The following CTBS variants were observed in gnomAD, a reference collection of about 807,000 sequenced individuals.
CTBS encodes chitobiase.
CTBS carries 35 observed loss-of-function variants against 44.3 expected under a neutral mutation model. That is an observed-to-expected ratio of 0.79 (90% confidence interval 0.60 to 1.05). The LOEUF (loss-of-function observed/expected upper bound fraction) is 1.05. CTBS is among the 50% of genes least tolerant of loss of function. The pLI is 0.00. For synonymous variants in CTBS, 143 were observed against 168.0 expected, an observed-to-expected ratio of 0.85 and a Z score of 1.15; for missense variants, 458 against 475.3, an observed-to-expected ratio of 0.96 and a Z score of 0.34.
Position 84,554,677 on chromosome 1 carries a change from C to A in CTBS, c.*322G>T. On this transcript the variant is annotated 3_prime_UTR_variant, in exon 7 of 7. Coordinates refer to ENST00000370630, the MANE Select transcript of CTBS (RefSeq NM_004388.3). ...CATATTTTAAAAATCAGCATTGATT[C>A]GTGAGCATATATTTTACTATAATGA... The A allele has an allele frequency of 5.1e-6, 1 of 195,098 alleles. No individual in the cohort carries two copies. Among genetic ancestry groups the A allele is most frequent in the Non-Finnish European group, 1.1e-5 (1 of 94,568 alleles). 12.1% of individuals were successfully genotyped at this position (195,098 alleles called of 1,614,324 possible). A position where few individuals can be genotyped will look rare whatever the true frequency, so the allele number is the denominator to read the frequency against.
intron 4 of CTBS, 77 bp downstream of exon 4, chr1:84,565,764 T>C: frequency 1.2e-6 from 1 of 827,802 alleles, no homozygotes; most frequent in Non-Finnish European, 1.6e-6. Context: ...AACTTAGAAA[T>C]ACTAAAAACA....
chr1:84,561,160 T>G (rs2994955), intron 6 of CTBS, among the ~76,000 whole-genome samples: 47,333 of 152,016 alleles, frequency 0.31, 8,144 homozygotes, highest in African/African-American at 0.45. Flanking sequence ...TAGATGCCAT[T>G]AAGAACATTC....
chr1:84,555,183 A>C lies in CTBS; in HGVS notation c.974T>G (p.Phe325Cys), dbSNP rs1202775782. ...YYNYKDPAGH[F>C]HQVWYDNPQS... ...AGGGTTATCATACCATACTTGATGAAAGTGGCCAGCAGGATCCTATATAAA... is the reference window on the plus strand; with the variant it reads ...AGGGTTATCATACCATACTTGATGACAGTGGCCAGCAGGATCCTATATAAA... Residue 325 changes from phenylalanine to cysteine, a missense_variant, in exon 7 of 7, where the codon TTT becomes TGT. Coordinates refer to ENST00000370630, the MANE Select transcript of CTBS (RefSeq NM_004388.3). 6.2e-7 allele frequency: 1 copy of C among 1,613,166 alleles called. No individual in the cohort carries two copies. Among genetic ancestry groups the C allele is most frequent in the African/African-American group, 1.3e-5 (1 of 74,894 alleles).
intron 6 of CTBS, among the ~76,000 whole-genome samples, chr1:84,558,322 C>T (rs1310986329): frequency 2.3e-4 from 34 of 150,860 alleles, no homozygotes; most frequent in Non-Finnish European, 4.7e-4. Context: ...CGGAGTCTCG[C>T]TCTGTCGCCC....
rs922332986 is a variant in CTBS, at chr1:84,553,128, T to C, written c.*1871A>G. ...ACATCTCTACAATCTCAATTAGGTA[T>C]GTTAATTTAAAACTTTTATTTGTAA... is the stretch of plus-strand genomic sequence containing the variant. On this transcript the variant is annotated 3_prime_UTR_variant, in exon 7 of 7. Transcript: ENST00000370630. 2 of 1,437,382 alleles carry C rather than the reference T, an allele frequency of 1.4e-6. No individual in the cohort carries two copies. Among genetic ancestry groups the C allele is most frequent in the Non-Finnish European group, 1.9e-6 (2 of 1,073,578 alleles). The allele number at this position is 1,437,382 out of a possible 1,614,324, so 89.0% of individuals were successfully genotyped here.
In CTBS at chr1:84,554,576, A is replaced by C. The variant is rs2102013584; in HGVS notation, c.*423T>G. 6.3e-6 allele frequency: 1 copy of C among 159,212 alleles called. No individual in the cohort carries two copies. Among genetic ancestry groups the C allele is most frequent in the East Asian group, 1.9e-4 (1 of 5,364 alleles). The allele number at this position is 159,212 out of a possible 1,614,324, so 9.9% of individuals were successfully genotyped here. A position where few individuals can be genotyped will look rare whatever the true frequency, so the allele number is the denominator to read the frequency against. ...TAAGATTTATTGGAGGGTTGGGGGA[A>C]AAGTATAGCACAAACTGCTTTTCAA... On this transcript the variant is annotated 3_prime_UTR_variant, in exon 7 of 7. Coordinates refer to ENST00000370630, the MANE Select transcript of CTBS (RefSeq NM_004388.3).
chr1:84,554,591 C>G lies in CTBS; in HGVS notation c.*408G>C, dbSNP rs1190778787. 3 of 164,880 alleles carry G rather than the reference C, an allele frequency of 1.8e-5. No homozygotes were observed. Among genetic ancestry groups the G allele is most frequent in the Non-Finnish European group, 4.0e-5 (3 of 75,446 alleles). 10.2% of individuals were successfully genotyped at this position (164,880 alleles called of 1,614,324 possible). On this transcript the variant is annotated 3_prime_UTR_variant, in exon 7 of 7. Transcript: ENST00000370630. Reference sequence around the variant, plus strand: ...GGTTGGGGGAAAAGTATAGCACAAACTGCTTTTCAAAGACTAGGTTTTTAA... The same window carrying G: ...GGTTGGGGGAAAAGTATAGCACAAAGTGCTTTTCAAAGACTAGGTTTTTAA...
At chr1:84,556,438 C>A (rs1035194928) in intron 6 of CTBS, among the ~76,000 whole-genome samples, 2 of 152,064 alleles carry the variant, frequency 1.3e-5, no homozygotes, top group African/African-American at 4.8e-5. Flanking sequence ...TGGGGCCGGG[C>A]ACGGTGTCTC....
intron 4 of CTBS, among the ~76,000 whole-genome samples, chr1:84,565,087 C>G (rs1448385649): frequency 6.6e-6 from 1 of 151,196 alleles, no homozygotes; most frequent in East Asian, 1.9e-4. Flanking sequence ...GGCATGCACC[C>G]GTAGTCCCAG....
At chr1:84,558,860 C>T (rs1265438226) in intron 6 of CTBS, among the ~76,000 whole-genome samples, 2 of 152,002 alleles carry the variant, frequency 1.3e-5, no homozygotes, top group Admixed American at 1.3e-4. Context: ...ATGATTGTGC[C>T]ACTGCACTCC....
In CTBS at chr1:84,551,689, A is replaced by C. The variant is rs1684277188; in HGVS notation, c.*3310T>G. On this transcript the variant is annotated 3_prime_UTR_variant, in exon 7 of 7. Transcript: ENST00000370630. The stretch of plus-strand genomic sequence containing the variant: ...TTGGCACTGAGAAGCTTAAAACTTA[A>C]AATAGAAAAGGAAAAGAGCAGAGGA... 6.6e-6 allele frequency: 1 copy of C among 152,184 alleles called. No individual in the cohort carries two copies. Among genetic ancestry groups the C allele is most frequent in the African/African-American group, 2.4e-5 (1 of 41,460 alleles). 9.4% of individuals were successfully genotyped at this position (152,184 alleles called of 1,614,324 possible). A position where few individuals can be genotyped will look rare whatever the true frequency, so the allele number is the denominator to read the frequency against.
At chr1:84,556,607 G>A (rs886738531) in intron 6 of CTBS, among the ~76,000 whole-genome samples, 3 of 151,106 alleles carry the variant, frequency 2.0e-5, no homozygotes, top group African/African-American at 7.3e-5. Context: ...AGCTACTCTC[G>A]AGGCTGAGGC....
intron 3 of CTBS, among the ~76,000 whole-genome samples, chr1:84,569,282 G>C (rs778484408): frequency 1.3e-5 from 2 of 152,176 alleles, no homozygotes; most frequent in Non-Finnish European, 2.9e-5. Context: ...TGAGTTCACA[G>C]TGTGCATGTG....
At chr1:84,572,526 C>T (rs530480742) in intron 1 of CTBS, among the ~76,000 whole-genome samples, 2 of 150,380 alleles carry the variant, frequency 1.3e-5, no homozygotes, top group South Asian at 2.1e-4. Flanking sequence ...ACATAGAAAA[C>T]GCCAGTAGAG....
Position 84,565,964 on chromosome 1 carries a change from A to G in CTBS, c.574T>C (p.Tyr192His), listed in dbSNP as rs1470896427. The G allele has an allele frequency of 6.3e-7, 1 of 1,594,560 alleles. No individual in the cohort carries two copies. Among genetic ancestry groups the G allele is most frequent in the African/African-American group, 1.4e-5 (1 of 73,942 alleles). The change falls in exon 4 of 7, where the codon TAT (tyrosine) becomes CAT (histidine). Residue 192 changes from tyrosine (Y) to histidine (H), a missense_variant. Transcript: ENST00000370630. Reference sequence around the variant, plus strand: ...GCATCTGCGATTCCAGTATAATTATAGCATCTTCTGTCTATGTTCTTTGGA... The same window carrying G: ...GCATCTGCGATTCCAGTATAATTATGGCATCTTCTGTCTATGTTCTTTGGA... Reference protein sequence around the residue: ...WSPKNIDRRCYNYTGIADACD... With the variant: ...WSPKNIDRRCHNYTGIADACD...
chr1:84,555,696 T>C (rs1382882269), intron 6 of CTBS, among the ~76,000 whole-genome samples: 2 of 152,224 alleles, frequency 1.3e-5, no homozygotes, highest in East Asian at 3.8e-4. Context: ...GGCGTACATC[T>C]GAATCACTTG....
Position 84,550,516 on chromosome 1 carries a change from A to T in CTBS, c.*4483T>A, listed in dbSNP as rs1684238218. 1 of 1,546,428 alleles carries T rather than the reference A, an allele frequency of 6.5e-7. No individual in the cohort carries two copies. On this transcript the variant is annotated 3_prime_UTR_variant, in exon 7 of 7. Transcript: ENST00000370630. ...ACTAGATACTGACAAAATGAAACTCATAGTAGAAGTTAAGGTAATTTACAT... is the reference window on the plus strand; with the variant it reads ...ACTAGATACTGACAAAATGAAACTCTTAGTAGAAGTTAAGGTAATTTACAT...
chr1:84,567,591 G>C (rs1355687548), intron 3 of CTBS, among the ~76,000 whole-genome samples: 1 of 152,078 alleles, frequency 6.6e-6, no homozygotes, highest in African/African-American at 2.4e-5. Context: ...AACTCTTCAA[G>C]GCATTTATTT....
chr1:84,564,268 T>C (rs1158025132), intron 4 of CTBS, among the ~76,000 whole-genome samples: 1 of 152,174 alleles, frequency 6.6e-6, no homozygotes, highest in Admixed American at 6.5e-5. Flanking sequence ...GTTTTGCAAA[T>C]ATTCTGTAAG....
Sources: gnomAD v4.1 joint callset for allele counts (sites outside exome capture counted in the v4.1 genomes callset) on GRCh38, gnomAD v4.1.1 for gene constraint, MANE v1.5 for transcripts, NCBI Gene and HGNC (gene_info 2026-07-23, HGNC 2026-07-21) for gene names.